The following RAD51B variants were observed in gnomAD, a reference collection of about 807,000 sequenced individuals.
RAD51B encodes RAD51 paralog B.
RAD51B carries 38 observed loss-of-function variants against 42.2 expected under a neutral mutation model. The ratio of observed to expected loss-of-function variants is 0.90; its 90% confidence interval spans 0.70 to 1.18. RAD51B has a LOEUF of 1.18. Ranked by LOEUF, RAD51B falls within the 50% of genes most tolerant of loss-of-function variation. The pLI is 0.00. For missense variants in RAD51B, 373 were observed against 400.7 expected, an observed-to-expected ratio of 0.93 and a Z score of 0.59; for synonymous variants, 154 against 145.2, an observed-to-expected ratio of 1.06 and a Z score of -0.43.
chr14:68,336,990 AG>A (rs2082468868), intron 8 of RAD51B, among the ~76,000 whole-genome samples: 1 of 152,222 alleles, frequency 6.6e-6, no homozygotes, highest in Non-Finnish European at 1.5e-5. Flanking sequence ...ACCTCAGAAA[AG>A]TTCCATGTTC....
intron 7 of RAD51B, among the ~76,000 whole-genome samples, chr14:68,238,462 A>G (rs577052208): frequency 5.5e-4 from 84 of 152,274 alleles, no homozygotes; most frequent in Middle Eastern, 3.4e-3. Flanking sequence ...CACTGTGCCC[A>G]GCTAAATTTT....
chr14:68,078,881 T>G (rs1440246814), intron 7 of RAD51B, among the ~76,000 whole-genome samples: 2 of 152,104 alleles, frequency 1.3e-5, no homozygotes, highest in Non-Finnish European at 2.9e-5. Flanking sequence ...TCCCAGCTAT[T>G]CAGGAGGTTG....
At position 67,883,076 on chromosome 14, in the gene RAD51B, T is replaced by A. The variant is rs562988363; in HGVS notation, c.453-2793T>A. ...TTCTTTCAGCTCCTCTTTTGAACTA[T>A]ATCTTGAGTCTAGTTACTTCTCATC... On this transcript the variant is annotated intron_variant, in intron 5 of 10. Transcript: ENST00000471583. 5.3e-5 allele frequency among the ~76,000 whole-genome samples: 8 copies of A among 152,280 alleles called. No individual in the cohort carries two copies. In the South Asian group the frequency reaches 1.7e-3, roughly 32 times the overall value.
intron 11 of RAD51B, among the ~76,000 whole-genome samples, chr14:68,669,193 A>G (rs1893098926): frequency 6.6e-6 from 1 of 152,248 alleles, no homozygotes; most frequent in Non-Finnish European, 1.5e-5. Context: ...GATCTCAGAG[A>G]GAGCCAAATT....
At chr14:68,244,946 G>T (rs182838483) in intron 7 of RAD51B, among the ~76,000 whole-genome samples, 7 of 152,176 alleles carry the variant, frequency 4.6e-5, no homozygotes, top group Non-Finnish European at 4.4e-5. Flanking sequence ...TAACATTTGG[G>T]TAGATGAATG....
At chr14:68,404,898 C>T (rs979826379) in intron 8 of RAD51B, among the ~76,000 whole-genome samples, 3 of 152,178 alleles carry the variant, frequency 2.0e-5, no homozygotes, top group Non-Finnish European at 2.9e-5. Flanking sequence ...ACACTTCCAT[C>T]GGTATCCTCC....
rs144040499 is a variant in RAD51B, at chr14:68,427,022, T to C, written c.957+15495T>C. Among the ~76,000 whole-genome samples, 33 of 152,322 alleles carry C rather than the reference T, an allele frequency of 2.2e-4. No homozygotes were observed. In the East Asian group the frequency reaches 6.0e-3, roughly 28 times the overall value. On this transcript the variant is annotated intron_variant, in intron 9 of 10. Coordinates refer to ENST00000471583, the MANE Select transcript of RAD51B (RefSeq NM_133510.4). ...GCCCAGGTGTGACTCATGTTGCCAC[T>C]CTAGAGGCACGAGTAGTAAGCCTTG...
chr14:67,887,950 A>C (rs1348030001), intron 7 of RAD51B, among the ~76,000 whole-genome samples: 3 of 152,200 alleles, frequency 2.0e-5, no homozygotes, highest in Admixed American at 6.6e-5. Context: ...CAGGCTTCTC[A>C]ATTTTAGTCA....
chr14:68,074,418 C>G (rs1203763075), intron 7 of RAD51B, among the ~76,000 whole-genome samples: 1 of 152,032 alleles, frequency 6.6e-6, no homozygotes, highest in Non-Finnish European at 1.5e-5. Context: ...GTCTTTTATT[C>G]TCTTGAATCA....
chr14:68,111,863 T>C (rs1184541923), intron 7 of RAD51B, among the ~76,000 whole-genome samples: 2 of 152,116 alleles, frequency 1.3e-5, no homozygotes, highest in African/African-American at 4.8e-5. Context: ...TGATTTGTGA[T>C]TGTACTTTGT....
At chr14:68,541,009 G>A in intron 10 of RAD51B, 1 of 985,334 alleles carries the variant, frequency 1.0e-6, no homozygotes, top group Non-Finnish European at 1.2e-6. Context: ...ATTTGTTTTT[G>A]TTTTCACTTT....
intron 7 of RAD51B, among the ~76,000 whole-genome samples, chr14:68,138,124 C>T (rs1424794159): frequency 6.9e-6 from 1 of 144,154 alleles, no homozygotes. Context: ...TGCAGAGCTG[C>T]AGGCAGATTC....
At chr14:67,831,717 T>A (rs1376685892) in intron 3 of RAD51B, among the ~76,000 whole-genome samples, 1 of 149,080 alleles carries the variant, frequency 6.7e-6, no homozygotes, top group Non-Finnish European at 1.5e-5. Context: ...TTTTTTTTTG[T>A]ATTTTTAGTA....
At chr14:68,324,141 A>T (rs1227917384) in intron 8 of RAD51B, among the ~76,000 whole-genome samples, 1 of 152,218 alleles carries the variant, frequency 6.6e-6, no homozygotes, top group Non-Finnish European at 1.5e-5. Flanking sequence ...TGGCATATTA[A>T]TAAATGGTAT....
At chr14:68,467,216 C>T (rs575146097) in intron 9 of RAD51B, among the ~76,000 whole-genome samples, 8 of 152,120 alleles carry the variant, frequency 5.3e-5, no homozygotes, top group Non-Finnish European at 5.9e-5. Context: ...CTTAATGATA[C>T]TGATTTTTTT....
chr14:68,548,788 A>G (rs1888366639), intron 10 of RAD51B, among the ~76,000 whole-genome samples: 1 of 152,156 alleles, frequency 6.6e-6, no homozygotes, highest in South Asian at 2.1e-4. Context: ...CCCCCCACCC[A>G]GGGCACACTG....
downstream of RAD51B, among the ~76,000 whole-genome samples, chr14:68,597,922 A>G (rs1167486586): frequency 6.6e-6 from 1 of 152,178 alleles, no homozygotes; most frequent in African/African-American, 2.4e-5. Context: ...GCTGAAATGG[A>G]AAGGACTGTA....
chr14:68,661,032 C>A (rs567321835), intron 11 of RAD51B, among the ~76,000 whole-genome samples: 1 of 152,312 alleles, frequency 6.6e-6, no homozygotes, highest in South Asian at 2.1e-4. Context: ...GAATGGGTGG[C>A]TTGAGCGGAG....
chr14:68,022,879 A>T (rs1468876486), intron 7 of RAD51B, among the ~76,000 whole-genome samples: 1 of 152,060 alleles, frequency 6.6e-6, no homozygotes, highest in Non-Finnish European at 1.5e-5. Context: ...TTTCACTTGT[A>T]CTTATATGTG....
Sources: allele counts gnomAD v4.1 joint callset (sites outside exome capture counted in the v4.1 genomes callset), GRCh38; gene constraint gnomAD v4.1.1; transcripts MANE v1.5; gene names NCBI Gene and HGNC (gene_info 2026-07-23, HGNC 2026-07-21).